TAS1R1: variants seen among roughly 807,000 people sequenced by gnomAD.
TAS1R1 encodes the protein taste 1 receptor member 1, also known as taste receptor type 1 member 1.
Under a neutral mutation model 45.8 loss-of-function variants are expected in TAS1R1, and 31 were observed. The ratio of observed to expected loss-of-function variants is 0.68; its 90% CI spans 0.51 to 0.91. The LOEUF (loss-of-function observed/expected upper bound fraction) is 0.91, where lower values mean the gene tolerates loss of function less well. TAS1R1 is among the 40% of genes least tolerant of loss of function. The probability of loss-of-function intolerance (pLI) is 0.00; values close to 1 mark genes in which losing one functional copy is unlikely to be tolerated. For missense variants in TAS1R1, 1,051 were observed against 1,063.9 expected (o/e 0.99, Z 0.17); for synonymous variants, 437 against 448.4 (o/e 0.97, Z 0.32).
intron 1 of TAS1R1, among the ~76,000 whole-genome samples, chr1:6,562,862 G>A (rs1237453609): frequency 2.0e-5 from 3 of 152,200 alleles, no homozygotes; most frequent in Admixed American, 2.0e-4. Context: ...AAGCACGTGA[G>A]TTTATTGTTT....
chr1:6,561,334 TCTC>T (rs1639784322), intron 1 of TAS1R1, among the ~76,000 whole-genome samples: 1 of 152,074 alleles, frequency 6.6e-6, no homozygotes, highest in Admixed American at 6.6e-5. Context: ...ACAGCACTCT[TCTC>T]CTAAGAAGAT....
intron 1 of TAS1R1, among the ~76,000 whole-genome samples, chr1:6,557,935 T>C (rs984734608): frequency 1.3e-5 from 2 of 152,102 alleles, no homozygotes; most frequent in African/African-American, 4.8e-5. Context: ...CAGACAGGAG[T>C]TGCTGAAGTA....
At position 6,579,249 on chromosome 1, in the gene TAS1R1, G is replaced by GC. The variant is rs751319122; in HGVS notation, c.2193dup (p.Phe732LeufsTer19). On this transcript the variant is annotated frameshift_variant, in exon 6 of 6. Coordinates refer to ENST00000333172, the MANE Select transcript of TAS1R1 (RefSeq NM_138697.4). LOFTEE classifies it low-confidence loss of function (END_TRUNC). ...GACCAACTCCCTGGGCTTCATACTG[G>GC]CCTTCCTCTACAATGGCCTCCTCTC... 49 of 1,614,048 alleles carry GC rather than the reference G, an allele frequency of 3.0e-5. No homozygotes were observed. In the East Asian group the frequency reaches 1.0e-3, roughly 34 times the overall value.
In TAS1R1 at chr1:6,571,090, C is replaced by A. The variant is rs773677648; in HGVS notation, c.373C>A (p.His125Asn). 1 of 1,614,122 alleles carries A rather than the reference C, an allele frequency of 6.2e-7. No homozygotes were observed. Residue 125 changes from histidine (H) to asparagine (N), a missense_variant, in exon 2 of 6, where the codon CAC (histidine) becomes AAC (asparagine). Transcript: ENST00000333172. ...TLRVLSLPGQ[H>N]HIELQGDLLH... ...GAGAGTGCTCTCCCTGCCAGGGCAACACCACATAGAGCTCCAAGGAGACCT... is the reference window on the plus strand; with the variant it reads ...GAGAGTGCTCTCCCTGCCAGGGCAAAACCACATAGAGCTCCAAGGAGACCT...
At chr1:6,563,047 C>A (rs1000368542) in intron 1 of TAS1R1, among the ~76,000 whole-genome samples, 5 of 152,284 alleles carry the variant, frequency 3.3e-5, no homozygotes, top group Admixed American at 2.6e-4. Context: ...TATAAGGAGG[C>A]ATTTGGCAGG....
chr1:6,556,856 A>G (rs548407860), intron 1 of TAS1R1, among the ~76,000 whole-genome samples: 1 of 151,998 alleles, frequency 6.6e-6, no homozygotes, highest in African/African-American at 2.4e-5. Flanking sequence ...ATAAAATACA[A>G]CACATTAGCC....
At chr1:6,576,076 T>C (rs1640165318) in intron 3 of TAS1R1, among the ~76,000 whole-genome samples, 1 of 152,074 alleles carries the variant, frequency 6.6e-6, no homozygotes, top group Admixed American at 6.5e-5. Context: ...GTGATCCTCC[T>C]GCTTCGGCCT....
At chr1:6,562,242 C>G (rs570176176) in intron 1 of TAS1R1, among the ~76,000 whole-genome samples, 2 of 152,260 alleles carry the variant, frequency 1.3e-5, no homozygotes, top group South Asian at 4.1e-4. Context: ...GATCCCGGCT[C>G]ACTGCAAGCT....
In TAS1R1 at chr1:6,570,994, C is replaced by A. The variant is rs1428958579; in HGVS notation, c.277C>A (p.Leu93Met). Reference protein sequence around the residue: ...VEEINNSTALLPNITLGYQLY... With the variant: ...VEEINNSTALMPNITLGYQLY... ...GGAGATAAACAACTCCACGGCCCTG[C>A]TGCCCAACATCACCCTGGGGTACCA... The change falls in exon 2 of 6, where the codon CTG becomes ATG. Residue 93 changes from leucine (L) to methionine (M), a missense_variant. Leu to Met is a conservative substitution (Grantham distance 15). Coordinates refer to ENST00000333172, the MANE Select transcript of TAS1R1 (RefSeq NM_138697.4). 1 of 1,614,056 alleles carries A rather than the reference C, an allele frequency of 6.2e-7. No individual in the cohort carries two copies. The highest frequency in any genetic ancestry group is 1.3e-5 in the African/African-American group (1 of 74,936).
rs1640332137 is a variant in TAS1R1 at position 6,579,632 on chromosome 1, C to T, written c.*48C>T. The T allele has an allele frequency of 1.3e-6, 2 of 1,556,448 alleles. No homozygotes were observed. Among genetic ancestry groups the T allele is most frequent in the Admixed American group, 1.8e-5 (1 of 55,856 alleles). The stretch of plus-strand genomic sequence containing the variant: ...TGGCAGCCTTCTCTGCCCTGAGGGT[C>T]GAAGGTCGAGCAGGCCGGGGGTGTC... On this transcript the variant is annotated 3_prime_UTR_variant, in exon 6 of 6. Transcript: ENST00000333172.
At chr1:6,576,653 T>C (rs2148676530) in intron 4 of TAS1R1, 26 bp downstream of exon 4, 1 of 1,608,046 alleles carries the variant, frequency 6.2e-7, no homozygotes, top group Non-Finnish European at 8.5e-7. Flanking sequence ...CTACTCACCA[T>C]GTAACTGGCT....
At position 6,555,309 on chromosome 1, in the gene TAS1R1, A is replaced by G; in HGVS notation, c.-65A>G. 3.4e-6 allele frequency: 5 copies of G among 1,452,222 alleles called. No homozygotes were observed. The highest frequency in any genetic ancestry group is 4.6e-6 in the Non-Finnish European group (5 of 1,097,614). 90.0% of individuals were successfully genotyped at this position (1,452,222 alleles called of 1,614,324 possible). A position where few individuals can be genotyped will look rare whatever the true frequency, so the allele number is the denominator to read the frequency against. On this transcript the variant is annotated 5_prime_UTR_variant, in exon 1 of 6. Transcript: ENST00000333172. The stretch of plus-strand genomic sequence containing the variant: ...AGGAAGCATCCGGCAGCTGCCTTCT[A>G]TTTAAGCAACTGGCCTCCTTAGAGG...
At chr1:6,567,333 G>A (rs1029203679) in intron 1 of TAS1R1, among the ~76,000 whole-genome samples, 2 of 152,060 alleles carry the variant, frequency 1.3e-5, no homozygotes, top group Non-Finnish European at 2.9e-5. Flanking sequence ...GGCTGAGACG[G>A]GCGGATCATG....
chr1:6,579,740 A>T lies in TAS1R1; in HGVS notation c.*156A>T, dbSNP rs889539157. On this transcript the variant is annotated 3_prime_UTR_variant, in exon 6 of 6. Coordinates refer to ENST00000333172, the MANE Select transcript of TAS1R1 (RefSeq NM_138697.4). ...CTAGACCAGGCTCCGGGCTGCCAAT[A>T]AAGAAGTGAAATGCGTATCTGGTCT... 1.0e-6 allele frequency: 1 copy of T among 988,866 alleles called. No individual in the cohort carries two copies. The highest frequency in any genetic ancestry group is 1.6e-5 in the African/African-American group (1 of 61,052). 61.3% of individuals were successfully genotyped at this position (988,866 alleles called of 1,614,324 possible).
chr1:6,576,991 C>T lies in TAS1R1; in HGVS notation c.1515C>T (p.His505=). 3 of 1,614,244 alleles carry T rather than the reference C, an allele frequency of 1.9e-6. No homozygotes were observed. Among genetic ancestry groups the T allele is most frequent in the Non-Finnish European group, 2.5e-6 (3 of 1,180,048 alleles). ...SVCSSDCLEG[H]QRVVTGFHHC... ...GTTCCAGCGACTGTCTTGAAGGGCA[C>T]CAGCGAGTGGTTACGGGTTTCCATC... Residue 505 remains histidine, a synonymous_variant, in exon 5 of 6, where the codon CAC becomes CAT. Transcript: ENST00000333172.
chr1:6,579,467 C>A lies in TAS1R1; in HGVS notation c.2409C>A (p.Gly803=), dbSNP rs1307767851. Residue 803 remains glycine, a synonymous_variant, in exon 6 of 6, where the codon GGC becomes GGA. Coordinates refer to ENST00000333172, the MANE Select transcript of TAS1R1 (RefSeq NM_138697.4). ...CTGGGCTGAGCAGCCTGAGCAGCGG[C>A]TTCGGTGGGTATTTTCTGCCTAAGT... is the stretch of plus-strand genomic sequence containing the variant. ...MMAGLSSLSS[G]FGGYFLPKCY... 1 of 1,614,080 alleles carries A rather than the reference C, an allele frequency of 6.2e-7. No homozygotes were observed. The highest frequency in any genetic ancestry group is 8.5e-7 in the Non-Finnish European group (1 of 1,180,014).
intron 1 of TAS1R1, among the ~76,000 whole-genome samples, chr1:6,566,947 T>G (rs1639883490): frequency 6.6e-6 from 1 of 152,014 alleles, no homozygotes; most frequent in Non-Finnish European, 1.5e-5. Flanking sequence ...GGGATGGTGG[T>G]ATCCTACACT....
Position 6,570,926 on chromosome 1 carries a change from A to G in TAS1R1, c.209A>G (p.Glu70Gly). The G allele has an allele frequency of 6.2e-7, 1 of 1,604,640 alleles. No homozygotes were observed. Among genetic ancestry groups the G allele is most frequent in the Non-Finnish European group, 8.5e-7 (1 of 1,175,240 alleles). The change falls in exon 2 of 6, where the codon GAG becomes GGG. Residue 70 changes from glutamate (E) to glycine (G), a missense_variant. Physicochemically the swap from Glu to Gly is moderately conservative, Grantham distance 98. Coordinates refer to ENST00000333172, the MANE Select transcript of TAS1R1 (RefSeq NM_138697.4). The part of the protein sequence containing the change: ...TLCDRSCSFN[E>G]HGYHLFQAMR... Reference sequence around the variant, plus strand: ...CTCCACAGGTCTTGTAGCTTCAATGAGCATGGCTACCACCTCTTCCAGGCT... The same window carrying G: ...CTCCACAGGTCTTGTAGCTTCAATGGGCATGGCTACCACCTCTTCCAGGCT...
At chr1:6,560,027 T>A (rs7522995) in intron 1 of TAS1R1, among the ~76,000 whole-genome samples, 13 of 147,934 alleles carry the variant, frequency 8.8e-5, no homozygotes, top group South Asian at 6.3e-4. Flanking sequence ...AGCCGGGTGC[T>A]AATGGCTCAC....
Sources: allele counts gnomAD v4.1 joint callset (sites outside exome capture counted in the v4.1 genomes callset), GRCh38; gene constraint gnomAD v4.1.1; transcripts MANE v1.5; gene names NCBI Gene and HGNC (gene_info 2026-07-23, HGNC 2026-07-21).